Variants in WDR33 observed in about 807,000 individuals in gnomAD.
WDR33 encodes pre-mRNA 3' end processing protein WDR33.
A neutral mutation model predicts 164.9 loss-of-function variants in WDR33; 47 were observed. The observed-to-expected ratio is 0.29, with a 90% CI of 0.23 to 0.36. The LOEUF is 0.36. Ranked by LOEUF, WDR33 falls within the 10% of genes least tolerant of loss-of-function variation. The pLI is 1.00. For missense variants in WDR33, 1,137 were observed against 1,754.1 expected (o/e 0.65, Z 6.28); for synonymous variants, 505 against 589.0 (o/e 0.86, Z 2.06).
intron 1 of WDR33, among the ~76,000 whole-genome samples, chr2:127,805,949 T>TAAA (rs36092212): frequency 1.5e-5 from 2 of 136,036 alleles, no homozygotes; most frequent in African/African-American, 5.4e-5. Flanking sequence ...AACTTTTGTT[T>TAAA]AAAAAAAAAA....
rs1685901077 is a variant in WDR33, at chr2:127,701,967, C to G, written c.*4356G>C. 7.2e-7 allele frequency: 1 copy of G among 1,392,702 alleles called. No homozygotes were observed. Among genetic ancestry groups the G allele is most frequent in the East Asian group, 3.2e-5 (1 of 31,314 alleles). 86.3% of individuals were successfully genotyped at this position (1,392,702 alleles called of 1,614,324 possible). A position where few individuals can be genotyped will look rare whatever the true frequency, so the allele number is the denominator to read the frequency against. On this transcript the variant is annotated 3_prime_UTR_variant, in exon 22 of 22. Coordinates refer to ENST00000322313, the MANE Select transcript of WDR33 (RefSeq NM_018383.5). The stretch of plus-strand genomic sequence containing the variant: ...CGAAGAAGCGCCGTCCCGGCCCGCG[C>G]TGCTCTACATGGCAGCGCTGGGCGC...
chr2:127,765,352 C>G (rs1248365275), intron 4 of WDR33, 83 bp from the exon 5 acceptor site: 1 of 910,092 alleles, frequency 1.1e-6, no homozygotes, highest in Admixed American at 2.5e-5. Context: ...GTAAAACATG[C>G]AATAACTGAC....
intron 1 of WDR33, among the ~76,000 whole-genome samples, chr2:127,809,046 AAAAAAAAG>A (rs1241797747): frequency 6.6e-6 from 1 of 151,702 alleles, no homozygotes; most frequent in Non-Finnish European, 1.5e-5. Context: ...AAAAAAAAAA[AAAAAAAAG>A]AATTCCAGAA....
Position 127,737,555 on chromosome 2 carries a change from T to G in WDR33, c.725-10778A>C, listed in dbSNP as rs752559030. The G allele has an allele frequency of 3.9e-5, 38 of 986,858 alleles. No homozygotes were observed. In the Admixed American group the frequency reaches 4.9e-4, roughly 13 times the overall value. 61.1% of individuals were successfully genotyped at this position (986,858 alleles called of 1,614,324 possible). On this transcript the variant is annotated intron_variant, in intron 7 of 21. Transcript: ENST00000322313. The stretch of plus-strand genomic sequence containing the variant: ...CAAAAGATTGATGGGAGTCTGGCAC[T>G]AAATACCAAGACTATTAGAAAGGCC...
chr2:127,791,157 C>A, intron 1 of WDR33, among the ~76,000 whole-genome samples: 1 of 83,398 alleles, frequency 1.2e-5, no homozygotes, highest in Admixed American at 1.2e-4. Context: ...AACTCTTTCC[C>A]CACCCCACCC....
intron 7 of WDR33, among the ~76,000 whole-genome samples, chr2:127,750,677 AATATATATATATATATATATATATAT>A (rs1161071581): frequency 2.8e-5 from 1 of 35,802 alleles, no homozygotes; most frequent in Non-Finnish European, 4.4e-5. Flanking sequence ...AAAAAAAAAA[AATATATATATATATATATATATATAT>A]ATATATATAT....
At chr2:127,762,698 C>A in intron 7 of WDR33, 2 of 1,023,578 alleles carry the variant, frequency 2.0e-6, no homozygotes, top group Non-Finnish European at 2.3e-6. Context: ...TGTAAAAGGA[C>A]TGCCAGGAGA....
chr2:127,766,027 A>C (rs998225652), intron 4 of WDR33, among the ~76,000 whole-genome samples: 4 of 152,152 alleles, frequency 2.6e-5, no homozygotes, highest in African/African-American at 9.7e-5. Context: ...TTAAACCTAA[A>C]GTCCTTTATT....
rs55641967 is a variant in WDR33, at chr2:127,770,692, AAAATAAATAAATAAATAAAT to A, written c.204+66_204+85del. The stretch of plus-strand genomic sequence containing the variant: ...GGCAACAAGAAAGAAACTCCATCTC[AAAATAAATAAATAAATAAAT>A]AAATAAATAAATAAATAAATAAATA... On this transcript the variant is annotated intron_variant, in intron 2 of 21. Coordinates refer to ENST00000322313, the MANE Select transcript of WDR33 (RefSeq NM_018383.5). The surrounding 1 kb of genome is among the most constrained non-coding windows in gnomAD (Gnocchi z 4.9). 19,243 of 589,602 alleles carry A rather than the reference AAAATAAATAAATAAATAAAT, an allele frequency of 0.033. 1,968 individuals carry two copies. The highest frequency in any genetic ancestry group is 0.08 in the South Asian group (1,832 of 22,906). The allele number at this position is 589,602 out of a possible 1,614,324, so 36.5% of individuals were successfully genotyped here.
intron 1 of WDR33, among the ~76,000 whole-genome samples, chr2:127,791,308 G>A (rs888332527): frequency 6.6e-6 from 1 of 151,820 alleles, no homozygotes; most frequent in African/African-American, 2.4e-5. Flanking sequence ...ACAGACATGA[G>A]CCACCACAGC....
At position 127,724,900 on chromosome 2, in the gene WDR33, A is replaced by G; in HGVS notation, c.1072T>C (p.Phe358Leu). 1 of 1,614,236 alleles carries G rather than the reference A, an allele frequency of 6.2e-7. No homozygotes were observed. The change falls in exon 10 of 22, where the codon TTC becomes CTC. Residue 358 changes from phenylalanine (F) to leucine (L), a missense_variant. Transcript: ENST00000322313. The surrounding 1 kb of genome is among the most constrained non-coding windows in gnomAD (Gnocchi z 4.8). ...AATCTTACATACCCAACATGCCAGAATAACAAAGAACCATCAGACCCTCCA... is the reference window on the plus strand; with the variant it reads ...AATCTTACATACCCAACATGCCAGAGTAACAAAGAACCATCAGACCCTCCA... ...ASGGSDGSLL[F>L]WHVGVEKEVG...
chr2:127,772,436 T>TA (rs72109909), intron 1 of WDR33, among the ~76,000 whole-genome samples: 19,564 of 148,812 alleles, frequency 0.13, 1,575 homozygotes, highest in African/African-American at 0.23. Flanking sequence ...AAGACTGTCT[T>TA]AAAAAAAAAA....
rs769722293 is a variant in WDR33, at chr2:127,719,479, G to T, written c.2546C>A (p.Pro849His). The T allele has an allele frequency of 6.3e-7, 1 of 1,595,970 alleles. No individual in the cohort carries two copies. The highest frequency in any genetic ancestry group is 1.7e-5 in the Admixed American group (1 of 57,504). Residue 849 changes from proline to histidine, a missense_variant, in exon 16 of 22, where the codon CCC (proline) becomes CAC (histidine). Pro to His is a moderately conservative substitution (Grantham distance 77). This residue lies in a region of WDR33 where 867 missense variants were observed against 1,073.0 expected (regional missense o/e 0.81). Coordinates refer to ENST00000322313, the MANE Select transcript of WDR33 (RefSeq NM_018383.5). The surrounding 1 kb of genome is among the most constrained non-coding windows in gnomAD (Gnocchi z 6.5). ...PPPQGSMLGPPQELRGPPGSQ... is the reference protein window; with the variant it reads ...PPPQGSMLGPHQELRGPPGSQ... Reference sequence around the variant, plus strand: ...GCCTGGAGGCCCTCGCAATTCCTGGGGAGGTCCCAGCATTGATCCTTGGGG... The same window carrying T: ...GCCTGGAGGCCCTCGCAATTCCTGGTGAGGTCCCAGCATTGATCCTTGGGG...
intron 1 of WDR33, among the ~76,000 whole-genome samples, chr2:127,776,014 GC>G (rs1688173751): frequency 6.6e-6 from 1 of 152,088 alleles, no homozygotes; most frequent in Non-Finnish European, 1.5e-5. Context: ...AAGTTACTTG[GC>G]CAAAATCACA....
rs1686810636 is a variant in WDR33 at position 127,735,227 on chromosome 2, T to C, written c.725-8450A>G. ...GCTTCTGTGAAACTGGATGTAAACTTTGTGCCCTGTGCATTTTTCTCAGGC... is the reference window on the plus strand; with the variant it reads ...GCTTCTGTGAAACTGGATGTAAACTCTGTGCCCTGTGCATTTTTCTCAGGC... On this transcript the variant is annotated intron_variant, in intron 7 of 21. Transcript: ENST00000322313. The surrounding 1 kb of genome is among the most constrained non-coding windows in gnomAD (Gnocchi z 4.3). Among the ~76,000 whole-genome samples, 1 of 151,786 alleles carries C rather than the reference T, an allele frequency of 6.6e-6. No homozygotes were observed. Among genetic ancestry groups the C allele is most frequent in the African/African-American group, 2.4e-5 (1 of 41,096 alleles).
In WDR33 at chr2:127,720,071, A is replaced by G; in HGVS notation, c.1954T>C (p.Phe652Leu). The change falls in exon 16 of 22, where the codon TTC (phenylalanine) becomes CTC (leucine). Residue 652 changes from phenylalanine to leucine, a missense_variant. Phe to Leu is a conservative substitution (Grantham distance 22, BLOSUM62 0). Around this residue, in one of 9 missense-constraint regions of WDR33, gnomAD observed 867 missense variants for 1,073.0 expected, o/e 0.81. Coordinates refer to ENST00000322313, the MANE Select transcript of WDR33 (RefSeq NM_018383.5). The surrounding 1 kb of genome is among the most constrained non-coding windows in gnomAD (Gnocchi z 5.9). ...CCCTGGGGCCCCTGTGGTCCCATGA[A>G]TCCTTGTGGCCCCCCACCTCCCTGA... ...LHQGGGGPQG[F>L]MGPQGPQGPP... 6.2e-7 allele frequency: 1 copy of G among 1,614,058 alleles called. No individual in the cohort carries two copies. The highest frequency in any genetic ancestry group is 8.5e-7 in the Non-Finnish European group (1 of 1,179,990).
chr2:127,787,542 AC>A (rs1263669071), intron 1 of WDR33, among the ~76,000 whole-genome samples: 7 of 84,406 alleles, frequency 8.3e-5, no homozygotes, highest in African/African-American at 3.1e-4. Context: ...GGGGGCTGAC[AC>A]CCCCACCTCC....
chr2:127,739,444 T>C (rs921691318), intron 7 of WDR33, among the ~76,000 whole-genome samples: 25 of 152,214 alleles, frequency 1.6e-4, no homozygotes, highest in African/African-American at 5.1e-4. Flanking sequence ...AAAGGGTATG[T>C]TACATGTAAT....
chr2:127,791,805 G>C (rs1216378565), intron 1 of WDR33, among the ~76,000 whole-genome samples: 1 of 152,132 alleles, frequency 6.6e-6, no homozygotes, highest in African/African-American at 2.4e-5. Context: ...ACCAGCATGA[G>C]GTAAAAGTAA....
Sources: allele counts gnomAD v4.1 joint callset (sites outside exome capture counted in the v4.1 genomes callset), GRCh38; gene constraint gnomAD v4.1.1; regional missense constraint gnomAD v4.1.1; non-coding constraint Gnocchi (gnomAD v3.1); transcripts MANE v1.5; gene names NCBI Gene and HGNC (gene_info 2026-07-23, HGNC 2026-07-21).